The following RIC1 variants were observed in gnomAD, a reference collection of about 807,000 sequenced individuals.
The protein encoded by RIC1 is guanine nucleotide exchange factor subunit RIC1.
In RIC1, 88 loss-of-function variants were observed where a neutral mutation model predicts 169.0. That is an observed-to-expected ratio of 0.52 (90% CI 0.44 to 0.62). The LOEUF is 0.62. Among genes scored for constraint, RIC1 ranks in the 20% least tolerant of loss-of-function variants. The pLI is 0.00. For synonymous variants in RIC1, 790 were observed against 601.5 expected (o/e 1.31, Z -4.59); for missense variants, 1,877 against 1,725.5 (o/e 1.09, Z -1.56).
At chr9:5,773,425 C>G (rs926994828) in intron 25 of RIC1, among the ~76,000 whole-genome samples, 3 of 152,150 alleles carry the variant, frequency 2.0e-5, no homozygotes, top group Admixed American at 6.5e-5. Context: ...CTACAAATAT[C>G]TACTTGAAAA....
At chr9:5,687,427 A>G (rs1202346758) in intron 2 of RIC1, among the ~76,000 whole-genome samples, 2 of 152,144 alleles carry the variant, frequency 1.3e-5, no homozygotes, top group African/African-American at 4.8e-5. Flanking sequence ...AGTTTAAGGT[A>G]GAAGCTTGTC....
At position 5,689,963 on chromosome 9, in the gene RIC1, C is replaced by T. The variant is rs371717422; in HGVS notation, c.257C>T (p.Ala86Val). ...PDSTMIAVST[A>V]NGYILFFHIT... ...TTAATAAAATTTCTCTTTCAGACGGCAAATGGATACATCTTGTTTTTTCAT... is the reference window on the plus strand; with the variant it reads ...TTAATAAAATTTCTCTTTCAGACGGTAAATGGATACATCTTGTTTTTTCAT... Residue 86 changes from alanine to valine, a missense_variant, in exon 3 of 26, where the codon GCA (alanine) becomes GTA (valine). Around this residue, in one of 3 missense-constraint regions of RIC1, gnomAD observed 1,104 missense variants for 992.0 expected, o/e 1.11. Transcript: ENST00000414202. The T allele has an allele frequency of 1.3e-6, 2 of 1,591,662 alleles. No homozygotes were observed. The highest frequency in any genetic ancestry group is 1.7e-6 in the Non-Finnish European group (2 of 1,167,044).
intron 10 of RIC1, among the ~76,000 whole-genome samples, chr9:5,744,605 A>G (rs1825273717): frequency 6.6e-6 from 1 of 152,148 alleles, no homozygotes; most frequent in Non-Finnish European, 1.5e-5. Context: ...ACTGAAGCTA[A>G]TGTAATGAAT....
In RIC1 at chr9:5,743,757, A is replaced by C; in HGVS notation, c.1095+20A>C. ...TCTATGGTAAGTACTTTCTATAAAAAATTGGCATGGTATTAAAAAAACTTG... is the reference window on the plus strand; with the variant it reads ...TCTATGGTAAGTACTTTCTATAAAACATTGGCATGGTATTAAAAAAACTTG... On this transcript the variant is annotated intron_variant, in intron 10 of 25. Transcript: ENST00000414202. 1 of 1,573,310 alleles carries C rather than the reference A, an allele frequency of 6.4e-7. No individual in the cohort carries two copies. Among genetic ancestry groups the C allele is most frequent in the Non-Finnish European group, 8.7e-7 (1 of 1,154,050 alleles).
At chr9:5,717,761 C>T (rs777490862) in intron 4 of RIC1, among the ~76,000 whole-genome samples, 24 of 151,420 alleles carry the variant, frequency 1.6e-4, no homozygotes, top group Non-Finnish European at 2.2e-4. Context: ...AGGAGAATCC[C>T]GGGAGGCGGA....
chr9:5,718,139 CAAAAAAAAAAAAAAA>C (rs35477806), intron 4 of RIC1, among the ~76,000 whole-genome samples: 1 of 28,082 alleles, frequency 3.6e-5, no homozygotes, highest in South Asian at 2.0e-3. Flanking sequence ...GACTCCGTCT[CAAAAAAAAAAAAAAA>C]AAAAAAAAAA....
intron 3 of RIC1, among the ~76,000 whole-genome samples, chr9:5,703,032 C>T (rs1442952235): frequency 1.3e-5 from 2 of 152,062 alleles, no homozygotes; most frequent in Admixed American, 6.6e-5. Flanking sequence ...CCACCCTTGT[C>T]CCCTGCCAAA....
intron 2 of RIC1, among the ~76,000 whole-genome samples, chr9:5,677,386 T>G (rs1820513875): frequency 1.3e-5 from 2 of 152,190 alleles, no homozygotes; most frequent in African/African-American, 4.8e-5. Context: ...CTTGATTTCT[T>G]GTTGTTAAGT....
intron 1 of RIC1, among the ~76,000 whole-genome samples, chr9:5,636,726 G>A (rs1452068435): frequency 6.6e-6 from 1 of 152,066 alleles, no homozygotes; most frequent in Non-Finnish European, 1.5e-5. Context: ...TCATTTCTTA[G>A]TTCTAAATTT....
chr9:5,639,601 A>G (rs901979368), intron 1 of RIC1, among the ~76,000 whole-genome samples: 3 of 152,188 alleles, frequency 2.0e-5, no homozygotes, highest in Non-Finnish European at 4.4e-5. Context: ...TGTTAGGTCC[A>G]TTTGTTGTAT....
intron 2 of RIC1, among the ~76,000 whole-genome samples, chr9:5,682,466 T>G (rs1009865900): frequency 1.3e-5 from 2 of 152,220 alleles, no homozygotes; most frequent in Non-Finnish European, 2.9e-5. Flanking sequence ...TTCTTTTCTT[T>G]AAGAATGTTG....
At chr9:5,757,610 T>A (rs1363047714) in intron 17 of RIC1, among the ~76,000 whole-genome samples, 159 bp downstream of exon 17, 1 of 151,742 alleles carries the variant, frequency 6.6e-6, no homozygotes, top group Non-Finnish European at 1.5e-5. Context: ...AAGACATGGT[T>A]TCTGCTCAGG....
intron 1 of RIC1, among the ~76,000 whole-genome samples, chr9:5,635,341 A>C (rs561500264): frequency 1.3e-5 from 2 of 152,110 alleles, no homozygotes; most frequent in South Asian, 4.1e-4. Flanking sequence ...TCCGTCTTTA[A>C]TCCTTCTTGA....
Position 5,774,374 on chromosome 9 carries a change from T to G in RIC1, c.*128T>G. ...GACTCTTCGGTAAGTATTAGTAGAT[T>G]TTAACTAATTCTTTCTTGTCTAAGA... On this transcript the variant is annotated 3_prime_UTR_variant, in exon 26 of 26. Coordinates refer to ENST00000414202, the MANE Select transcript of RIC1 (RefSeq NM_020829.4). 2 of 673,250 alleles carry G rather than the reference T, an allele frequency of 3.0e-6. No individual in the cohort carries two copies. Among genetic ancestry groups the G allele is most frequent in the Non-Finnish European group, 4.6e-6 (2 of 435,162 alleles). 41.7% of individuals were successfully genotyped at this position (673,250 alleles called of 1,614,324 possible). A position where few individuals can be genotyped will look rare whatever the true frequency, so the allele number is the denominator to read the frequency against.
At chr9:5,772,860 G>C (rs762523121) in intron 24 of RIC1, 32 bp from the exon 25 acceptor site, 1 of 1,593,844 alleles carries the variant, frequency 6.3e-7, no homozygotes, top group Non-Finnish European at 8.6e-7. Flanking sequence ...ATCTTTCTTA[G>C]CATAAATCAT....
At chr9:5,685,280 A>G (rs1314974433) in intron 2 of RIC1, among the ~76,000 whole-genome samples, 3 of 150,760 alleles carry the variant, frequency 2.0e-5, no homozygotes, top group Non-Finnish European at 4.4e-5. Context: ...AAACTACTTT[A>G]AAGTTCATAT....
chr9:5,743,052 A>C (rs753525911), intron 9 of RIC1, 39 bp downstream of exon 9: 1 of 1,581,968 alleles, frequency 6.3e-7, no homozygotes, highest in Non-Finnish European at 8.6e-7. Flanking sequence ...AAATAACTCC[A>C]TTATTTCTCA....
At chr9:5,713,303 G>C (rs1008688094) in intron 3 of RIC1, 3 of 152,250 alleles carry the variant, frequency 2.0e-5, no homozygotes, top group African/African-American at 7.2e-5. Flanking sequence ...TGACAGTTCA[G>C]TTAAGTTGGC....
At chr9:5,766,224 T>A (rs554717746) in intron 21 of RIC1, among the ~76,000 whole-genome samples, 1 of 152,156 alleles carries the variant, frequency 6.6e-6, no homozygotes, top group Non-Finnish European at 1.5e-5. Context: ...ATATTTTTAG[T>A]AGAGACGGGG....
Sources: gnomAD v4.1 joint callset for allele counts (sites outside exome capture counted in the v4.1 genomes callset) on GRCh38, gnomAD v4.1.1 for gene constraint, gnomAD v4.1.1 regional missense constraint, MANE v1.5 for transcripts, NCBI Gene and HGNC (gene_info 2026-07-23, HGNC 2026-07-21) for gene names.